The following NEGR1 variants were observed in gnomAD, a reference collection of about 807,000 sequenced individuals.
The protein encoded by NEGR1 is IgLON family member 4.
NEGR1 carries 10 observed loss-of-function variants against 40.9 expected under a neutral mutation model. That is an observed-to-expected ratio of 0.24 (90% CI 0.15 to 0.42). The LOEUF (loss-of-function observed/expected upper bound fraction) is 0.42, where lower values mean the gene tolerates loss of function less well. Ranked by LOEUF, NEGR1 falls within the 10% of genes least tolerant of loss-of-function variation. The pLI is 1.00. For missense variants in NEGR1, 352 were observed against 438.9 expected (o/e 0.80, Z 1.77); for synonymous variants, 185 against 166.8 (o/e 1.11, Z -0.84).
intron 6 of NEGR1, among the ~76,000 whole-genome samples, chr1:71,471,504 G>A (rs1646782020): frequency 6.6e-6 from 1 of 151,890 alleles, no homozygotes; most frequent in Non-Finnish European, 1.5e-5. Flanking sequence ...AAATCAGCCA[G>A]GTGTGGTAAC....
chr1:71,932,153 G>A (rs534978203), intron 2 of NEGR1, among the ~76,000 whole-genome samples: 1 of 152,232 alleles, frequency 6.6e-6, no homozygotes, highest in South Asian at 2.1e-4. Context: ...GGAGTAAGTA[G>A]TAACAGGAGC....
At chr1:71,504,124 A>T (rs1647016407) in intron 6 of NEGR1, among the ~76,000 whole-genome samples, 1 of 151,442 alleles carries the variant, frequency 6.6e-6, no homozygotes, top group Non-Finnish European at 1.5e-5. Flanking sequence ...AAAATAAAAT[A>T]AAAAAATAAA....
intron 3 of NEGR1, among the ~76,000 whole-genome samples, chr1:71,774,362 A>G (rs1480043738): frequency 6.6e-6 from 1 of 152,208 alleles, no homozygotes; most frequent in Non-Finnish European, 1.5e-5. Flanking sequence ...CAGTGGTTCT[A>G]GAGAGTGAAG....
intron 3 of NEGR1, among the ~76,000 whole-genome samples, chr1:71,698,939 C>T (rs985072962): frequency 1.3e-4 from 19 of 151,780 alleles, no homozygotes; most frequent in African/African-American, 4.6e-4. Flanking sequence ...TATTTGAAAG[C>T]ATTGAGTCAT....
At chr1:72,167,690 C>A (rs1030691741) in intron 1 of NEGR1, among the ~76,000 whole-genome samples, 1 of 151,992 alleles carries the variant, frequency 6.6e-6, no homozygotes, top group Admixed American at 6.6e-5. Context: ...ACAAAACTGT[C>A]TTTTCTTTTT....
chr1:71,982,609 A>C (rs904982875), intron 1 of NEGR1, among the ~76,000 whole-genome samples: 2 of 152,158 alleles, frequency 1.3e-5, no homozygotes, highest in South Asian at 2.1e-4. Flanking sequence ...ATTACAGTGC[A>C]TATAGCAGGG....
intron 4 of NEGR1, among the ~76,000 whole-genome samples, chr1:71,644,451 T>C (rs757314538): frequency 4.6e-5 from 7 of 151,980 alleles, no homozygotes; most frequent in Non-Finnish European, 1.0e-4. Context: ...TTACCTTGTC[T>C]TCTTTTCTAT....
chr1:71,839,103 A>G (rs1659144234), intron 2 of NEGR1, among the ~76,000 whole-genome samples: 1 of 150,724 alleles, frequency 6.6e-6, no homozygotes, highest in African/African-American at 2.4e-5. Flanking sequence ...ATCATCAGAC[A>G]CTCATCCAAT....
At chr1:71,490,637 T>A (rs1646920480) in intron 6 of NEGR1, among the ~76,000 whole-genome samples, 1 of 151,936 alleles carries the variant, frequency 6.6e-6, no homozygotes, top group Non-Finnish European at 1.5e-5. Flanking sequence ...AATGATTGAG[T>A]CACACCTTGG....
At chr1:71,803,718 C>G (rs1197302411) in intron 2 of NEGR1, among the ~76,000 whole-genome samples, 1 of 151,978 alleles carries the variant, frequency 6.6e-6, no homozygotes, top group African/African-American at 2.4e-5. Flanking sequence ...ACCTTTCTAC[C>G]TTCCTTGATA....
intron 6 of NEGR1, among the ~76,000 whole-genome samples, chr1:71,485,645 AGTTTTGCCTTT>A: frequency 6.6e-6 from 1 of 151,620 alleles, no homozygotes; most frequent in African/African-American, 2.4e-5. Flanking sequence ...CTGTCTCCAT[AGTTTTGCCTTT>A]TCTAGAATGA....
At chr1:71,432,470 T>G (rs1321929793) in intron 6 of NEGR1, among the ~76,000 whole-genome samples, 2 of 152,022 alleles carry the variant, frequency 1.3e-5, no homozygotes, top group Admixed American at 6.6e-5. Flanking sequence ...GAATCATGAG[T>G]ATTTTGATTT....
chr1:71,559,019 G>GTA lies in NEGR1; in HGVS notation c.940+33796_940+33797dup, dbSNP rs1553150124. 4.9e-3 allele frequency among the ~76,000 whole-genome samples: 561 copies of GTA among 114,060 alleles called. 4 individuals carry two copies. The highest frequency in any genetic ancestry group is 0.016 in the African/African-American group (521 of 32,998). 74.8% of individuals were successfully genotyped at this position (114,060 alleles called of 152,430 possible). On this transcript the variant is annotated intron_variant, in intron 6 of 6. Transcript: ENST00000357731. ...ATTTATTTATCTTCTCTGTGTGTGT[G>GTA]TATATATATATATATATATATATAT...
intron 2 of NEGR1, among the ~76,000 whole-genome samples, chr1:71,897,144 CAT>C (rs1226505272): frequency 1.3e-5 from 2 of 151,550 alleles, no homozygotes; most frequent in Admixed American, 6.6e-5. Context: ...AGTATATAGA[CAT>C]ATATATGTTA....
chr1:72,030,296 T>G (rs1646845988), intron 1 of NEGR1, among the ~76,000 whole-genome samples: 1 of 151,824 alleles, frequency 6.6e-6, no homozygotes, highest in African/African-American at 2.4e-5. Flanking sequence ...CCAGGATCCC[T>G]CCAGGGTTTA....
At chr1:71,466,153 T>C (rs1057421109) in intron 6 of NEGR1, among the ~76,000 whole-genome samples, 4 of 152,122 alleles carry the variant, frequency 2.6e-5, no homozygotes, top group East Asian at 1.9e-4. Context: ...AACAGAAATA[T>C]GATAATTTGT....
intron 1 of NEGR1, among the ~76,000 whole-genome samples, chr1:72,223,926 C>T (rs1654092376): frequency 6.6e-6 from 1 of 152,074 alleles, no homozygotes; most frequent in East Asian, 1.9e-4. Context: ...AGTCTCAGCA[C>T]CAATATATTG....
intron 2 of NEGR1, among the ~76,000 whole-genome samples, chr1:71,908,225 A>G (rs2101870448): frequency 6.6e-6 from 1 of 152,210 alleles, no homozygotes; most frequent in Non-Finnish European, 1.5e-5. Flanking sequence ...AAAAAAAAAA[A>G]AAAGAATATT....
At chr1:71,825,110 C>G (rs1247436887) in intron 2 of NEGR1, among the ~76,000 whole-genome samples, 1 of 151,898 alleles carries the variant, frequency 6.6e-6, no homozygotes, top group Non-Finnish European at 1.5e-5. Context: ...TTTAAATACT[C>G]ACCAGTAGCT....
Sources: allele counts gnomAD v4.1 joint callset (sites outside exome capture counted in the v4.1 genomes callset), GRCh38; gene constraint gnomAD v4.1.1; transcripts MANE v1.5; gene names NCBI Gene and HGNC (gene_info 2026-07-23, HGNC 2026-07-21).